Variants in TXNRD1 observed in about 807,000 individuals in gnomAD.
TXNRD1 encodes the protein thioredoxin reductase 1, cytoplasmic.
TXNRD1 carries 57 observed loss-of-function variants against 80.3 expected under a neutral mutation model. The ratio of observed to expected loss-of-function variants is 0.71; its 90% CI spans 0.57 to 0.89. The LOEUF is 0.89. Among genes scored for constraint, TXNRD1 ranks in the 40% least tolerant of loss-of-function variants. TXNRD1 has a pLI of 0.00. For synonymous variants in TXNRD1, 291 were observed against 285.2 expected, an observed-to-expected ratio of 1.02 and a Z score of -0.20; for missense variants, 730 against 803.0, an observed-to-expected ratio of 0.91 and a Z score of 1.10.
chr12:104,290,757 A>ATATATATATATATG, intron 4 of TXNRD1, among the ~76,000 whole-genome samples: 2 of 112,550 alleles, frequency 1.8e-5, no homozygotes, highest in South Asian at 3.2e-4. Flanking sequence ...ATATATATAT[A>ATATATATATATATG]TGTATATTTC....
At chr12:104,218,054 A>G (rs2032260511) in intron 1 of TXNRD1, among the ~76,000 whole-genome samples, 1 of 150,984 alleles carries the variant, frequency 6.6e-6, no homozygotes, top group African/African-American at 2.4e-5. Flanking sequence ...CCCGAGATGG[A>G]GTCTTGCTCT....
At chr12:104,292,450 A>G (rs1308860516) in intron 4 of TXNRD1, among the ~76,000 whole-genome samples, 2 of 143,212 alleles carry the variant, frequency 1.4e-5, no homozygotes, top group African/African-American at 5.1e-5. Flanking sequence ...GTGCAGTGGC[A>G]TGAACTCAGC....
At chr12:104,222,320 T>C (rs1237511773) in intron 1 of TXNRD1, among the ~76,000 whole-genome samples, 3 of 152,002 alleles carry the variant, frequency 2.0e-5, no homozygotes, top group African/African-American at 4.8e-5. Context: ...GAGTGAACAG[T>C]GTAAATGACC....
In TXNRD1 at chr12:104,346,035, G is replaced by T. The variant is rs913459716; in HGVS notation, c.1882-2318G>T. The T allele has an allele frequency of 5.5e-6, 7 of 1,274,328 alleles. No homozygotes were observed. The African/African-American group carries it at 9.2e-5, about 17-fold the overall frequency. 78.9% of individuals were successfully genotyped at this position (1,274,328 alleles called of 1,614,324 possible). On this transcript the variant is annotated intron_variant, in intron 16 of 16. Coordinates refer to ENST00000525566, the MANE Select transcript of TXNRD1 (RefSeq NM_001093771.3). ...CCCAAGCAGTTTTTTTCATTTATTT[G>T]AGATAGGGTTCCTGTCACCCAGGCT...
rs181523974 is a variant in TXNRD1, at chr12:104,233,845, G to A, written c.92-17682G>A. ...CCCCCTTACTGAATTATTTAGGGCC[G>A]TAAATATATCAAAATAAGTTTCCTT... is the stretch of plus-strand genomic sequence containing the variant. On this transcript the variant is annotated intron_variant, in intron 1 of 16. Transcript: ENST00000525566. 2.4e-4 allele frequency among the ~76,000 whole-genome samples: 37 copies of A among 152,222 alleles called. No individual in the cohort carries two copies. In the East Asian group the frequency reaches 5.6e-3, roughly 23 times the overall value.
chr12:104,287,266 G>A, intron 3 of TXNRD1: 1 of 1,613,912 alleles, frequency 6.2e-7, no homozygotes, highest in East Asian at 2.2e-5. Flanking sequence ...CTGAGCAGAC[G>A]GGGAGGCTTT....
At chr12:104,228,234 G>A (rs762362310) in intron 1 of TXNRD1, among the ~76,000 whole-genome samples, 28 of 147,322 alleles carry the variant, frequency 1.9e-4, no homozygotes, top group Non-Finnish European at 3.6e-4. Flanking sequence ...CCCAGAAGGC[G>A]GAGGTTGCAG....
In TXNRD1 at chr12:104,348,699, C is replaced by A. The variant is rs765674827; in HGVS notation, c.*278C>A. On this transcript the variant is annotated 3_prime_UTR_variant, in exon 17 of 17. Coordinates refer to ENST00000525566, the MANE Select transcript of TXNRD1 (RefSeq NM_001093771.3). ...ACCAGTCTCAAGCCCATGTGGTAGG[C>A]GGTGATGGAACAACTGTCAAATCAG... The A allele has an allele frequency of 1.2e-5, 5 of 400,502 alleles. No homozygotes were observed. The highest frequency in any genetic ancestry group is 1.3e-3 in the Middle Eastern group (2 of 1,494). 24.8% of individuals were successfully genotyped at this position (400,502 alleles called of 1,614,324 possible). A position where few individuals can be genotyped will look rare whatever the true frequency, so the allele number is the denominator to read the frequency against.
intron 1 of TXNRD1, among the ~76,000 whole-genome samples, chr12:104,224,048 T>G (rs1465509406): frequency 1.3e-5 from 2 of 152,302 alleles, no homozygotes; most frequent in South Asian, 4.1e-4. Context: ...CCTGATGAAA[T>G]TTCTTTAAGG....
At chr12:104,346,106 A>G in intron 16 of TXNRD1, 1 of 765,076 alleles carries the variant, frequency 1.3e-6, no homozygotes, top group Non-Finnish European at 1.9e-6. Context: ...TTGACCTTTC[A>G]AGCTCAAGCG....
chr12:104,229,267 C>T lies in TXNRD1; in HGVS notation c.91+13374C>T, dbSNP rs562423675. Among the ~76,000 whole-genome samples the T allele has an allele frequency of 3.4e-4, 52 of 151,634 alleles. 1 individual carries two copies. The highest frequency in any genetic ancestry group is 1.2e-3 in the African/African-American group (50 of 41,320). Reference sequence around the variant, plus strand: ...GGCTCAAGCAATCCTCCCACCTCAGCCTCCTCAGTAGCTGGGACTACGGGC... The same window carrying T: ...GGCTCAAGCAATCCTCCCACCTCAGTCTCCTCAGTAGCTGGGACTACGGGC... On this transcript the variant is annotated intron_variant, in intron 1 of 16. Transcript: ENST00000525566.
chr12:104,303,515 T>A (rs1008647213), intron 4 of TXNRD1, among the ~76,000 whole-genome samples: 2 of 152,230 alleles, frequency 1.3e-5, no homozygotes, highest in Non-Finnish European at 2.9e-5. Flanking sequence ...TGTTTTTTTT[T>A]AAAGTGAGGT....
chr12:104,246,325 G>C (rs946722349), intron 1 of TXNRD1, among the ~76,000 whole-genome samples: 17 of 149,858 alleles, frequency 1.1e-4, no homozygotes, highest in African/African-American at 4.2e-4. Context: ...CTACTCGGGA[G>C]GCTGAGGCAG....
At chr12:104,225,717 T>C (rs78726356) in intron 1 of TXNRD1, among the ~76,000 whole-genome samples, 2 of 62,872 alleles carry the variant, frequency 3.2e-5, no homozygotes, top group Non-Finnish European at 5.4e-5. Context: ...TTAAACCTCT[T>C]TTTTTTTTTT....
chr12:104,217,164 GGAGTTT>G, intron 1 of TXNRD1, among the ~76,000 whole-genome samples: 1 of 152,140 alleles, frequency 6.6e-6, no homozygotes, highest in East Asian at 1.9e-4. Context: ...GTACAATGAA[GGAGTTT>G]GAGCAGGTGC....
In TXNRD1 at chr12:104,333,436, T is replaced by C. The variant is rs34153422; in HGVS notation, c.1651-801T>C. ...TATGGAGTTAGAGCTGTAACAGCAA[T>C]TGTTAGCAATTTGGGGTGATTCCTT... On this transcript the variant is annotated intron_variant, in intron 14 of 16. Coordinates refer to ENST00000525566, the MANE Select transcript of TXNRD1 (RefSeq NM_001093771.3). Among the ~76,000 whole-genome samples the C allele has an allele frequency of 1.4e-3, 212 of 151,864 alleles. 2 individuals are homozygous for C. Among genetic ancestry groups the C allele is most frequent in the African/African-American group, 4.7e-3 (192 of 41,272 alleles).
chr12:104,342,134 GATTGATTAATC>G (rs1245517296), intron 16 of TXNRD1, among the ~76,000 whole-genome samples: 8 of 152,108 alleles, frequency 5.3e-5, no homozygotes, highest in Admixed American at 3.9e-4. Flanking sequence ...ATGTAGGCAT[GATTGATTAATC>G]ATTGGCCATT....
At chr12:104,252,997 C>T (rs997795864) in intron 2 of TXNRD1, among the ~76,000 whole-genome samples, 5 of 151,866 alleles carry the variant, frequency 3.3e-5, no homozygotes, top group African/African-American at 7.3e-5. Context: ...CCACCGCGCC[C>T]GGCCGATTTT....
At chr12:104,312,074 A>G (rs2035157296) in intron 5 of TXNRD1, among the ~76,000 whole-genome samples, 1 of 151,848 alleles carries the variant, frequency 6.6e-6, no homozygotes, top group Non-Finnish European at 1.5e-5. Context: ...AAGCAAATAT[A>G]TTTCTTAGTT....
Sources: gnomAD v4.1 joint callset for allele counts (sites outside exome capture counted in the v4.1 genomes callset) on GRCh38, gnomAD v4.1.1 for gene constraint, MANE v1.5 for transcripts, NCBI Gene and HGNC (gene_info 2026-07-23, HGNC 2026-07-21) for gene names.